TMEM45A: variants seen among roughly 807,000 people sequenced by gnomAD.
TMEM45A encodes transmembrane protein 45A.
Under a neutral mutation model 32.0 loss-of-function variants are expected in TMEM45A, and 25 were observed. The observed-to-expected ratio is 0.78, with a 90% CI of 0.57 to 1.09. The LOEUF (loss-of-function observed/expected upper bound fraction) is 1.09, where lower values mean the gene tolerates loss of function less well. Ranked by LOEUF, TMEM45A falls within the 50% of genes least tolerant of loss-of-function variation. TMEM45A has a pLI of 0.00. For missense variants in TMEM45A, 302 were observed against 325.0 expected (o/e 0.93, Z 0.54); for synonymous variants, 122 against 114.8 (o/e 1.06, Z -0.40).
intron 1 of TMEM45A, among the ~76,000 whole-genome samples, chr3:100,508,817 A>AC (rs915310484): frequency 5.3e-5 from 8 of 152,164 alleles, no homozygotes; most frequent in African/African-American, 1.9e-4. Flanking sequence ...ATAAAAAAAA[A>AC]AAACTCAAAA....
chr3:100,562,951 T>A (rs1231490784), intron 4 of TMEM45A, among the ~76,000 whole-genome samples: 2 of 152,212 alleles, frequency 1.3e-5, no homozygotes, highest in Non-Finnish European at 2.9e-5. Flanking sequence ...CTTTTGCTTA[T>A]TTTGAACTCA....
chr3:100,515,601 A>C (rs1331909870), intron 1 of TMEM45A, among the ~76,000 whole-genome samples: 1 of 150,862 alleles, frequency 6.6e-6, no homozygotes, highest in African/African-American at 2.5e-5. Context: ...CACATTGTGC[A>C]CATGTACCCT....
intron 5 of TMEM45A, chr3:100,570,540 T>A (rs73141183): frequency 0.073 from 11,057 of 152,414 alleles, 624 homozygotes; most frequent in East Asian, 0.26. Flanking sequence ...CTCCAAAGCA[T>A]GTGCATGTGC....
At chr3:100,555,099 A>T in intron 1 of TMEM45A, 110 bp from the exon 2 acceptor site, 1 of 934,006 alleles carries the variant, frequency 1.1e-6, no homozygotes, top group South Asian at 1.8e-5. Context: ...ATCCTCAGTG[A>T]TGTATCCATA....
At chr3:100,526,492 C>A (rs538958263) in intron 1 of TMEM45A, among the ~76,000 whole-genome samples, 2 of 151,172 alleles carry the variant, frequency 1.3e-5, no homozygotes, top group South Asian at 2.1e-4. Flanking sequence ...CTTCAAATCC[C>A]AGCTCTGCCA....
chr3:100,514,295 A>G (rs1372080274), intron 1 of TMEM45A, among the ~76,000 whole-genome samples: 1 of 152,224 alleles, frequency 6.6e-6, no homozygotes, highest in South Asian at 2.1e-4. Flanking sequence ...TGAATGGAAC[A>G]GAACAGAGCC....
At chr3:100,533,388 C>T (rs1053628285) in intron 1 of TMEM45A, among the ~76,000 whole-genome samples, 3 of 152,162 alleles carry the variant, frequency 2.0e-5, no homozygotes, top group South Asian at 4.1e-4. Flanking sequence ...CTCTAGTAGA[C>T]AGCTAAGCCT....
chr3:100,554,952 G>A (rs1438585427), intron 1 of TMEM45A, among the ~76,000 whole-genome samples: 1 of 152,190 alleles, frequency 6.6e-6, no homozygotes, highest in Non-Finnish European at 1.5e-5. Flanking sequence ...GTTGAAGACT[G>A]AACATAAAAC....
At chr3:100,569,074 T>A in intron 5 of TMEM45A, 107 bp downstream of exon 5, 2 of 1,188,268 alleles carry the variant, frequency 1.7e-6, no homozygotes, top group Non-Finnish European at 2.4e-6. Context: ...TTCCTTATCA[T>A]CCCATAAGAC....
chr3:100,517,329 G>A (rs1206186087), intron 1 of TMEM45A, among the ~76,000 whole-genome samples: 1 of 152,150 alleles, frequency 6.6e-6, no homozygotes, highest in East Asian at 1.9e-4. Flanking sequence ...TTTTGGCCAG[G>A]CTGGTCTTGA....
intron 1 of TMEM45A, among the ~76,000 whole-genome samples, chr3:100,539,773 T>C (rs1156849033): frequency 6.6e-6 from 1 of 152,194 alleles, no homozygotes; most frequent in Admixed American, 6.5e-5. Flanking sequence ...TCTTCTTTAC[T>C]TAGTCTACCA....
At chr3:100,532,775 T>C (rs1197052908) in intron 1 of TMEM45A, among the ~76,000 whole-genome samples, 1 of 152,222 alleles carries the variant, frequency 6.6e-6, no homozygotes, top group Non-Finnish European at 1.5e-5. Context: ...TTGTAAGCTG[T>C]TTGACCTGGG....
intron 1 of TMEM45A, among the ~76,000 whole-genome samples, chr3:100,541,320 C>A (rs1368213769): frequency 6.6e-6 from 1 of 152,054 alleles, no homozygotes; most frequent in East Asian, 1.9e-4. Flanking sequence ...TGCAGAAGAT[C>A]TTTAGTTTAA....
chr3:100,499,981 T>C (rs1576254545), intron 1 of TMEM45A, among the ~76,000 whole-genome samples: 1 of 152,186 alleles, frequency 6.6e-6, no homozygotes, highest in Non-Finnish European at 1.5e-5. Context: ...TAAAACTATT[T>C]TTACCTTTTT....
intron 1 of TMEM45A, among the ~76,000 whole-genome samples, chr3:100,517,425 G>A (rs938650368): frequency 6.6e-6 from 1 of 152,208 alleles, no homozygotes; most frequent in African/African-American, 2.4e-5. Context: ...GATACTTTCT[G>A]AAAAAGTAAA....
Position 100,558,387 on chromosome 3 carries a change from C to T in TMEM45A, c.404-18C>T, listed in dbSNP as rs745656020. On this transcript the variant is annotated intron_variant, in intron 3 of 5. Coordinates refer to ENST00000323523, the MANE Select transcript of TMEM45A (RefSeq NM_018004.3). ...CCTTGGTTCCACTGAAAAAGACAAT[C>T]TGTTTTTTCCCCATCAGCCTTTATC... 11 of 1,611,908 alleles carry T rather than the reference C, an allele frequency of 6.8e-6. No homozygotes were observed. The East Asian group carries it at 2.2e-4, about 33-fold the overall frequency.
chr3:100,570,218 T>G (rs566405766), intron 5 of TMEM45A, among the ~76,000 whole-genome samples: 2 of 152,362 alleles, frequency 1.3e-5, no homozygotes, highest in African/African-American at 2.4e-5. Context: ...TCTAGCAGGT[T>G]CTCTGATTCC....
At chr3:100,502,834 A>G (rs1708024022) in intron 1 of TMEM45A, among the ~76,000 whole-genome samples, 1 of 152,238 alleles carries the variant, frequency 6.6e-6, no homozygotes, top group Non-Finnish European at 1.5e-5. Flanking sequence ...GAAAAAAATT[A>G]TAGAAAATGC....
intron 5 of TMEM45A, among the ~76,000 whole-genome samples, chr3:100,574,918 T>C (rs1013874163): frequency 6.6e-6 from 1 of 152,226 alleles, no homozygotes; most frequent in African/African-American, 2.4e-5. Context: ...AATTTTCTGA[T>C]ATATTTTGAT....
Sources: allele counts gnomAD v4.1 joint callset (sites outside exome capture counted in the v4.1 genomes callset), GRCh38; gene constraint gnomAD v4.1.1; transcripts MANE v1.5; gene names NCBI Gene and HGNC (gene_info 2026-07-23, HGNC 2026-07-21).